CSK: variants seen among roughly 807,000 people sequenced by gnomAD.
CSK encodes C-terminal Src kinase, also known as tyrosine-protein kinase CSK.
Under a neutral mutation model 62.3 loss-of-function variants are expected in CSK, and 7 were observed. That is an observed-to-expected ratio of 0.11 (90% confidence interval 0.06 to 0.21). The LOEUF (loss-of-function observed/expected upper bound fraction) is 0.21, where lower values mean the gene tolerates loss of function less well. Ranked by LOEUF, CSK falls within the 10% of genes least tolerant of loss-of-function variation. CSK has a pLI of 1.00. For missense variants in CSK, 294 were observed against 613.5 expected (o/e 0.48, Z 5.50); for synonymous variants, 237 against 246.0 (o/e 0.96, Z 0.34).
chr15:74,790,821 C>T (rs2063609269), intron 1 of CSK: 1 of 152,216 alleles, frequency 6.6e-6, no homozygotes, highest in South Asian at 2.1e-4. Flanking sequence ...CTGCAGAGCT[C>T]CCAGTCCACC....
rs1190155245 is a variant in CSK, at chr15:74,782,458, GCGCCGGCT to G, written c.-327_-320del. Reference sequence around the variant, plus strand: ...TCGGAAGCGGAACTCTGCCGGGGCCGCGCCGGCTACATTGTTTCCTCCCCCCGACTCCC... The same window carrying G: ...TCGGAAGCGGAACTCTGCCGGGGCCGACATTGTTTCCTCCCCCCGACTCCC... On this transcript the variant is annotated 5_prime_UTR_variant, in exon 1 of 13. Transcript: ENST00000220003. This position sits in a 1 kb window ranked among gnomAD's most constrained non-coding sequence, Gnocchi z 5.7. 6.6e-6 allele frequency: 1 copy of G among 151,612 alleles called. No individual in the cohort carries two copies. The allele number at this position is 151,612 out of a possible 1,614,324, so 9.4% of individuals were successfully genotyped here.
rs1437688772 is a variant in CSK, at chr15:74,800,262, C to T, written c.463-150C>T. ...GTCATAATCTGGGACTTCCCTAACCCCTGCCCTACCAGAAATGGGGAGCCC... is the reference window on the plus strand; with the variant it reads ...GTCATAATCTGGGACTTCCCTAACCTCTGCCCTACCAGAAATGGGGAGCCC... On this transcript the variant is annotated intron_variant, in intron 5 of 12. Coordinates refer to ENST00000220003, the MANE Select transcript of CSK (RefSeq NM_004383.3). 18 of 671,580 alleles carry T rather than the reference C, an allele frequency of 2.7e-5. No individual in the cohort carries two copies. In the East Asian group the frequency reaches 2.7e-4, roughly 10 times the overall value. The allele number at this position is 671,580 out of a possible 1,614,324, so 41.6% of individuals were successfully genotyped here. A position where few individuals can be genotyped will look rare whatever the true frequency, so the allele number is the denominator to read the frequency against.
chr15:74,790,975 G>T (rs571642535), intron 1 of CSK: 1 of 152,140 alleles, frequency 6.6e-6, no homozygotes, highest in East Asian at 1.9e-4. Context: ...CTTATTTCCA[G>T]TTTTAAGGGG....
intron 1 of CSK, among the ~76,000 whole-genome samples, chr15:74,795,012 G>C (rs1019940182): frequency 2.6e-5 from 4 of 152,102 alleles, no homozygotes; most frequent in Non-Finnish European, 5.9e-5. Context: ...GAAGTGTGTG[G>C]GGTCCTAGAG....
chr15:74,785,857 A>G (rs140205239), intron 1 of CSK, among the ~76,000 whole-genome samples: 248 of 151,918 alleles, frequency 1.6e-3, no homozygotes, highest in African/African-American at 5.5e-3. Flanking sequence ...CCCCATTACC[A>G]TATGATTGGC....
chr15:74,799,389 G>T lies in CSK; in HGVS notation c.360G>T (p.Val120=), dbSNP rs773663905. The T allele has an allele frequency of 6.2e-7, 1 of 1,613,652 alleles. No individual in the cohort carries two copies. Among genetic ancestry groups the T allele is most frequent in the Non-Finnish European group, 8.5e-7 (1 of 1,180,028 alleles). ...ACCCCGGAGACTACACGCTGTGCGT[G>T]AGCTGCGACGGCAAGGTGGAGCACT... ...TNYPGDYTLC[V]SCDGKVEHYR... The change falls in exon 5 of 13, where the codon GTG becomes GTT. Residue 120 remains valine (V), a synonymous_variant. Coordinates refer to ENST00000220003, the MANE Select transcript of CSK (RefSeq NM_004383.3).
rs1447689242 is a variant in CSK, at chr15:74,782,780, T to C, written c.-66+60T>C. 1 of 152,468 alleles carries C rather than the reference T, an allele frequency of 6.6e-6. No homozygotes were observed. Among genetic ancestry groups the C allele is most frequent in the Non-Finnish European group, 1.5e-5 (1 of 68,254 alleles). 9.4% of individuals were successfully genotyped at this position (152,468 alleles called of 1,614,324 possible). On this transcript the variant is annotated intron_variant, in intron 1 of 12. Transcript: ENST00000220003. The surrounding 1 kb of genome is among the most constrained non-coding windows in gnomAD (Gnocchi z 5.7). The stretch of plus-strand genomic sequence containing the variant: ...GGGAAGAGGGTGGAGGTCGCGCGTC[T>C]AGTCTCTGTTGCTGCCACTGTCGCG...
intron 1 of CSK, among the ~76,000 whole-genome samples, chr15:74,784,499 G>A (rs952370109): frequency 6.6e-6 from 1 of 151,944 alleles, no homozygotes; most frequent in Admixed American, 6.5e-5. Flanking sequence ...TGGCTGGCAC[G>A]TGTGCAGGGA....
chr15:74,800,816 C>T lies in CSK; in HGVS notation c.623-7C>T. 1.9e-6 allele frequency: 3 copies of T among 1,609,664 alleles called. No individual in the cohort carries two copies. Among genetic ancestry groups the T allele is most frequent in the Middle Eastern group, 3.3e-4 (2 of 6,052 alleles). ...ACTTGGGAACAAGACCACCTCTCTG[C>T]CCCCAGACGTGATGCTGGGCGATTA... is the stretch of plus-strand genomic sequence containing the variant. On this transcript the variant is annotated splice_region_variant and splice_polypyrimidine_tract_variant and intron_variant, in intron 7 of 12. Transcript: ENST00000220003.
chr15:74,795,320 C>T (rs2063688188), intron 1 of CSK, among the ~76,000 whole-genome samples: 1 of 152,166 alleles, frequency 6.6e-6, no homozygotes, highest in Non-Finnish European at 1.5e-5. Flanking sequence ...GCCTGGGCAA[C>T]AGAGCAAGAC....
At chr15:74,783,265 G>C (rs2063464980) in intron 1 of CSK, among the ~76,000 whole-genome samples, 1 of 152,242 alleles carries the variant, frequency 6.6e-6, no homozygotes. Flanking sequence ...TAAGCCAAGG[G>C]ATCTTTGGGT....
rs1314446963 is a variant in CSK at position 74,798,507 on chromosome 15, C to G, written c.16-108C>G. 8.0e-7 allele frequency: 1 copy of G among 1,244,180 alleles called. No homozygotes were observed. The highest frequency in any genetic ancestry group is 1.2e-6 in the Non-Finnish European group (1 of 865,230). 77.1% of individuals were successfully genotyped at this position (1,244,180 alleles called of 1,614,324 possible). A position where few individuals can be genotyped will look rare whatever the true frequency, so the allele number is the denominator to read the frequency against. On this transcript the variant is annotated intron_variant, in intron 2 of 12. Transcript: ENST00000220003. The surrounding 1 kb of genome is among the most constrained non-coding windows in gnomAD (Gnocchi z 6.6). ...GGCTCGTTCTCCGGGCAGAGCACCTCACCCAGGCTCACAGAGGCCAGCTCA... is the reference window on the plus strand; with the variant it reads ...GGCTCGTTCTCCGGGCAGAGCACCTGACCCAGGCTCACAGAGGCCAGCTCA...
At chr15:74,786,013 T>TTTG in intron 1 of CSK, among the ~76,000 whole-genome samples, 9 of 47,814 alleles carry the variant, frequency 1.9e-4, no homozygotes, top group Non-Finnish European at 1.1e-4. Flanking sequence ...TTTTTTTTTT[T>TTTG]TGTGTGTGTG....
intron 1 of CSK, among the ~76,000 whole-genome samples, chr15:74,785,216 A>C (rs1170405364): frequency 2.0e-5 from 3 of 152,112 alleles, no homozygotes; most frequent in Non-Finnish European, 2.9e-5. Context: ...GTGTGCCGTG[A>C]CACCTTTTTT....
At chr15:74,791,790 AGCTCT>A (rs2063624568) in intron 1 of CSK, among the ~76,000 whole-genome samples, 1 of 152,206 alleles carries the variant, frequency 6.6e-6, no homozygotes, top group Non-Finnish European at 1.5e-5. Context: ...CAGGTGGAAC[AGCTCT>A]GGCAGGAACG....
At position 74,800,430 on chromosome 15, in the gene CSK, G is replaced by A; in HGVS notation, c.481G>A (p.Asp161Asn). 6.2e-7 allele frequency: 1 copy of A among 1,614,044 alleles called. No homozygotes were observed. Among genetic ancestry groups the A allele is most frequent in the South Asian group, 1.1e-5 (1 of 91,056 alleles). ...CCTGCAGCACTACACCTCAGACGCAGATGGACTCTGTACGCGCCTCATTAA... is the reference window on the plus strand; with the variant it reads ...CCTGCAGCACTACACCTCAGACGCAAATGGACTCTGTACGCGCCTCATTAA... ...QLVEHYTSDA[D>N]GLCTRLIKPK... Residue 161 changes from aspartate (D) to asparagine (N), a missense_variant, in exon 6 of 13, where the codon GAT becomes AAT. Asp to Asn is a conservative substitution (Grantham distance 23, BLOSUM62 1). This residue lies in a region of CSK where 202 missense variants were observed against 415.7 expected (regional missense o/e 0.49). Transcript: ENST00000220003.
At position 74,798,362 on chromosome 15, in the gene CSK, A is replaced by T; in HGVS notation, c.15+50A>T. The T allele has an allele frequency of 6.3e-7, 1 of 1,591,524 alleles. No individual in the cohort carries two copies. Among genetic ancestry groups the T allele is most frequent in the Non-Finnish European group, 8.6e-7 (1 of 1,166,624 alleles). On this transcript the variant is annotated intron_variant, in intron 2 of 12. Coordinates refer to ENST00000220003, the MANE Select transcript of CSK (RefSeq NM_004383.3). This position sits in a 1 kb window ranked among gnomAD's most constrained non-coding sequence, Gnocchi z 6.6. ...ACATGCAAGCATTCCCACCAGCCCC[A>T]GCGGGGTGCTTAGCAGAGGAGAGAG...
chr15:74,791,571 A>G (rs12442901), intron 1 of CSK, among the ~76,000 whole-genome samples: 101,984 of 152,058 alleles, frequency 0.67, 34,563 homozygotes, highest in Middle Eastern at 0.72. Flanking sequence ...CCCTCTCCCC[A>G]AGTGATTTTT....
At chr15:74,800,539 C>T (rs751824356) in intron 6 of CSK, 34 bp downstream of exon 6, 7 of 1,593,586 alleles carry the variant, frequency 4.4e-6, no homozygotes, top group Middle Eastern at 1.7e-4. Context: ...TCTTGCCCAC[C>T]CACCTCCTCC....
Sources: gnomAD v4.1 joint callset for allele counts (sites outside exome capture counted in the v4.1 genomes callset) on GRCh38, gnomAD v4.1.1 for gene constraint, gnomAD v4.1.1 regional missense constraint, Gnocchi (gnomAD v3.1) non-coding constraint, MANE v1.5 for transcripts, NCBI Gene and HGNC (gene_info 2026-07-23, HGNC 2026-07-21) for gene names.